Variants in REC8 observed in about 807,000 individuals in gnomAD.
The protein encoded by REC8 is meiotic recombination protein REC8 homolog.
Under a neutral mutation model 78.3 loss-of-function variants are expected in REC8, and 42 were observed. The ratio of observed to expected loss-of-function variants is 0.54; its 90% confidence interval spans 0.42 to 0.69. REC8 has a LOEUF of 0.69. Ranked by LOEUF, REC8 falls within the 30% of genes least tolerant of loss-of-function variation. The pLI is 0.00. For synonymous variants in REC8, 268 were observed against 274.1 expected, an observed-to-expected ratio of 0.98 and a Z score of 0.22; for missense variants, 581 against 715.8, an observed-to-expected ratio of 0.81 and a Z score of 2.15.
chr14:24,173,839 AT>A (rs1056225062), intron 5 of REC8, among the ~76,000 whole-genome samples: 15 of 151,936 alleles, frequency 9.9e-5, no homozygotes, highest in African/African-American at 3.6e-4. Flanking sequence ...TCCATGCCCC[AT>A]TTATTTCTTT....
In REC8 at chr14:24,174,263, C is replaced by T. The variant is rs186605795; in HGVS notation, c.462+852C>T. 1.6e-4 allele frequency among the ~76,000 whole-genome samples: 25 copies of T among 151,650 alleles called. No individual in the cohort carries two copies. In the East Asian group the frequency reaches 3.5e-3, roughly 21 times the overall value. ...CTTTCCAAAGTGCTAGGATTACAGA[C>T]GTGAGCCATCGCGCTGGCCTATTAT... is the stretch of plus-strand genomic sequence containing the variant. On this transcript the variant is annotated intron_variant, in intron 5 of 18. Transcript: ENST00000611366.
rs1452658080 is a variant in REC8, at chr14:24,177,122, G to A, written c.625-19G>A. On this transcript the variant is annotated intron_variant, in intron 7 of 18. Coordinates refer to ENST00000611366, the MANE Select transcript of REC8 (RefSeq NM_001048205.2). ...AAATATTATTGAATCCCCTCCCCTT[G>A]CTCTTCCTCTCTGGACAGGGTGAAC... 1 of 1,610,754 alleles carries A rather than the reference G, an allele frequency of 6.2e-7. No homozygotes were observed. Among genetic ancestry groups the A allele is most frequent in the East Asian group, 2.2e-5 (1 of 44,856 alleles).
chr14:24,176,687 AG>A (rs2139132415), intron 6 of REC8, 134 bp from the exon 7 acceptor site: 1 of 689,644 alleles, frequency 1.5e-6, no homozygotes, highest in East Asian at 2.7e-5. Flanking sequence ...ACCCAGGGTC[AG>A]GATGCCAGAG....
At chr14:24,175,443 A>G (rs2038848156) in intron 5 of REC8, 100 bp from the exon 6 acceptor site, 1 of 912,902 alleles carries the variant, frequency 1.1e-6, no homozygotes, top group Non-Finnish European at 1.8e-6. Context: ...AATTAGGCAT[A>G]AAAGGAGATT....
chr14:24,173,438 A>G (rs909643117), intron 5 of REC8, 27 bp downstream of exon 5: 1 of 1,612,680 alleles, frequency 6.2e-7, no homozygotes, highest in African/African-American at 1.3e-5. Context: ...AAGACTCGTG[A>G]ATTGGCAATG....
chr14:24,177,815 A>G (rs1706251687), intron 11 of REC8, 57 bp downstream of exon 11: 1 of 1,509,228 alleles, frequency 6.6e-7, no homozygotes, highest in African/African-American at 1.4e-5. Flanking sequence ...CCCCACAAGG[A>G]CTGCCTCCCC....
In REC8 at chr14:24,177,692, C is replaced by T. The variant is rs2038963217; in HGVS notation, c.815-17C>T. On this transcript the variant is annotated splice_polypyrimidine_tract_variant and intron_variant, in intron 10 of 18. Coordinates refer to ENST00000611366, the MANE Select transcript of REC8 (RefSeq NM_001048205.2). ...GTAAGGGGCTTATGGGACAGAGCCC[C>T]TTGGGTGTTGTTGCAGAGGTGACCC... 1 of 1,608,530 alleles carries T rather than the reference C, an allele frequency of 6.2e-7. No individual in the cohort carries two copies. The highest frequency in any genetic ancestry group is 8.5e-7 in the Non-Finnish European group (1 of 1,177,550).
Position 24,179,095 on chromosome 14 carries a change from A to G in REC8, c.1214A>G (p.Glu405Gly). 3.1e-6 allele frequency: 5 copies of G among 1,594,800 alleles called. No individual in the cohort carries two copies. Among genetic ancestry groups the G allele is most frequent in the Non-Finnish European group, 4.3e-6 (5 of 1,170,500 alleles). The change falls in exon 15 of 19, where the codon GAG becomes GGG. Residue 405 changes from glutamate (E) to glycine (G), a missense_variant. Transcript: ENST00000611366. ...TTCTCCCATCCCCAGGTCCCGAGGG[A>G]GGCCCTGGAGCCCAGTGTTCCCCTT... ...EVPSEIEVPR[E>G]ALEPSVPLMV... is the part of the protein sequence containing the mutation.
chr14:24,175,301 C>A (rs78574856), intron 5 of REC8: 10 of 378,524 alleles, frequency 2.6e-5, no homozygotes, highest in Non-Finnish European at 4.9e-5. Flanking sequence ...CCACCGAGCC[C>A]GGCCTTCTTG....
intron 12 of REC8, 103 bp from the exon 13 acceptor site, chr14:24,178,503 G>A: frequency 8.0e-7 from 1 of 1,242,262 alleles, no homozygotes; most frequent in Non-Finnish European, 1.1e-6. Context: ...CGCAAAAGCT[G>A]GGGAAGTCCA....
chr14:24,175,499 G>A (rs370596801), intron 5 of REC8, 44 bp from the exon 6 acceptor site: 1 of 1,468,780 alleles, frequency 6.8e-7, no homozygotes, highest in African/African-American at 1.4e-5. Context: ...AAAGCAGGGG[G>A]CTGAAGCTGA....
intron 6 of REC8, 25 bp downstream of exon 6, chr14:24,175,649 G>T (rs778160255): frequency 6.3e-7 from 1 of 1,581,368 alleles, no homozygotes; most frequent in African/African-American, 1.3e-5. Flanking sequence ...CCTTCTTTCT[G>T]GTGAGAGGCA....
Position 24,172,921 on chromosome 14 carries a change from C to A in REC8, c.148C>A (p.Leu50Met). ...KTCEEILNYV[L>M]VRVQPPQPGL... ...CAGCGAGGAAATCCTCAATTACGTG[C>A]TGGTACGAGTGCAACCCCCGCAGCC... Residue 50 changes from leucine (L) to methionine (M), a missense_variant, in exon 3 of 19, where the codon CTG becomes ATG. Leu to Met is a conservative substitution (Grantham distance 15). Coordinates refer to ENST00000611366, the MANE Select transcript of REC8 (RefSeq NM_001048205.2). 6.2e-7 allele frequency: 1 copy of A among 1,612,052 alleles called. No individual in the cohort carries two copies.
chr14:24,173,512 G>T (rs2038759056), intron 5 of REC8, 101 bp downstream of exon 5: 3 of 1,559,674 alleles, frequency 1.9e-6, no homozygotes, highest in Non-Finnish European at 1.7e-6. Context: ...GCTTACCACA[G>T]CTCTCTCCCA....
chr14:24,174,761 T>G (rs1430709372), intron 5 of REC8, among the ~76,000 whole-genome samples: 1 of 152,158 alleles, frequency 6.6e-6, no homozygotes. Flanking sequence ...CTACATATTC[T>G]TACAGACCTG....
At position 24,173,056 on chromosome 14, in the gene REC8, C is replaced by T. The variant is rs1293324596; in HGVS notation, c.268+15C>T. 1 of 1,610,600 alleles carries T rather than the reference C, an allele frequency of 6.2e-7. No individual in the cohort carries two copies. Among genetic ancestry groups the T allele is most frequent in the East Asian group, 2.2e-5 (1 of 44,882 alleles). ...GTACCTCGTGGGTAAGGCTGGGAAC[C>T]CTCAAAGGTGGGGCGGGCTGAGCAG... On this transcript the variant is annotated intron_variant, in intron 3 of 18. Transcript: ENST00000611366.
At chr14:24,175,396 G>T in intron 5 of REC8, 147 bp from the exon 6 acceptor site, 1 of 637,210 alleles carries the variant, frequency 1.6e-6, no homozygotes, top group Non-Finnish European at 2.8e-6. Flanking sequence ...ACCAGAGGGC[G>T]GGTGAGTTTA....
intron 5 of REC8, among the ~76,000 whole-genome samples, chr14:24,173,923 T>G (rs538051722): frequency 2.0e-5 from 3 of 152,176 alleles, no homozygotes; most frequent in South Asian, 2.1e-4. Flanking sequence ...TGGAGTGCAG[T>G]GGCACGATCT....
At chr14:24,179,010 G>C in intron 14 of REC8, 75 bp from the exon 15 acceptor site, 5 of 1,600,702 alleles carry the variant, frequency 3.1e-6, no homozygotes, top group Non-Finnish European at 3.4e-6. Flanking sequence ...AACAGCACAG[G>C]CTCACTGGCC....
Sources: gnomAD v4.1 joint callset for allele counts (sites outside exome capture counted in the v4.1 genomes callset) on GRCh38, gnomAD v4.1.1 for gene constraint, MANE v1.5 for transcripts, NCBI Gene and HGNC (gene_info 2026-07-23, HGNC 2026-07-21) for gene names.